NDRG2: variants seen among roughly 807,000 people sequenced by gnomAD.
NDRG2 encodes protein NDRG2.
In NDRG2, 34 loss-of-function variants were observed where a neutral mutation model predicts 58.2. The observed-to-expected ratio is 0.58, with a 90% CI of 0.44 to 0.78. The LOEUF (loss-of-function observed/expected upper bound fraction) is 0.78. Among genes scored for constraint, NDRG2 ranks in the 30% least tolerant of loss-of-function variants. NDRG2 has a pLI of 0.00. For synonymous variants in NDRG2, 187 were observed against 175.9 expected (o/e 1.06, Z -0.50); for missense variants, 434 against 471.2 (o/e 0.92, Z 0.73).
At chr14:21,035,940 A>C (rs1447316476) in intron 1 of NDRG2, 2 of 428,014 alleles carry the variant, frequency 4.7e-6, no homozygotes, top group African/African-American at 2.0e-5. Flanking sequence ...CTGCCTCTGC[A>C]GCTTACAAAC....
At chr14:21,022,978 A>G in intron 2 of NDRG2, 73 bp from the exon 3 acceptor site, 1 of 1,548,420 alleles carries the variant, frequency 6.5e-7, no homozygotes, top group Non-Finnish European at 8.9e-7. Context: ...ACAAACAGAC[A>G]AAGAGAGGCA....
At chr14:21,025,411 C>G (rs1883388487), upstream of NDRG2, 3 of 985,596 alleles carry the variant, frequency 3.0e-6, no homozygotes, top group African/African-American at 1.7e-5. The surrounding 1 kb of genome is among the most constrained non-coding windows in gnomAD (Gnocchi z 5.1). Context: ...TGCAATTGCA[C>G]TCTGGCTCCT....
chr14:21,025,700 G>C (rs899358490), upstream of NDRG2: 2 of 984,026 alleles, frequency 2.0e-6, no homozygotes, highest in Non-Finnish European at 2.4e-6. This position sits in a 1 kb window ranked among gnomAD's most constrained non-coding sequence, Gnocchi z 5.1. Flanking sequence ...GCTGCGTCCC[G>C]ACGCCTGCTC....
At chr14:21,042,159 T>G (rs921630550) in intron 1 of NDRG2, 3 of 152,254 alleles carry the variant, frequency 2.0e-5, no homozygotes, top group African/African-American at 7.2e-5. Context: ...AGTCTTCGAA[T>G]GTGACGATTC....
At chr14:21,032,221 G>T (rs1178529450) in intron 1 of NDRG2, 7 of 892,178 alleles carry the variant, frequency 7.8e-6, no homozygotes, top group Non-Finnish European at 1.1e-5. Context: ...TAGAGAGAGG[G>T]AGAAGAGGCA....
intron 2 of NDRG2, 55 bp downstream of exon 2, chr14:21,023,186 G>A (rs1881725091): frequency 1.4e-6 from 2 of 1,460,542 alleles, no homozygotes; most frequent in African/African-American, 1.4e-5. Context: ...AGAAGGCAAG[G>A]GGGATGCTTA....
rs139573521 is a variant in NDRG2, at chr14:21,019,926, G to A, written c.606C>T (p.Phe202=). Residue 202 remains phenylalanine (F), a synonymous_variant, in exon 9 of 16, where the codon TTC becomes TTT. Coordinates refer to ENST00000556147, the MANE Select transcript of NDRG2 (RefSeq NM_001320329.2). ...SIPEMILGHL[F]SQEELSGNSE... The stretch of plus-strand genomic sequence containing the variant: ...ATCTCCTACACCCACTTACCTGGCT[G>A]AAAAGATGTCCAAGGATCATCTCCG... 43 of 1,614,078 alleles carry A rather than the reference G, an allele frequency of 2.7e-5. 1 individual carries two copies. In the Admixed American group the frequency reaches 6.3e-4, roughly 24 times the overall value.
intron 10 of NDRG2, among the ~76,000 whole-genome samples, chr14:21,019,390 C>T (rs560672326): frequency 7.2e-5 from 11 of 152,296 alleles, no homozygotes; most frequent in African/African-American, 2.6e-4. Flanking sequence ...AGGAAGGACA[C>T]AGGACACAAG....
At chr14:21,058,491 T>A in intron 1 of NDRG2, 1 of 662,826 alleles carries the variant, frequency 1.5e-6, no homozygotes, top group Non-Finnish European at 2.5e-6. Flanking sequence ...TCACATACTC[T>A]TGGTTTCTTA....
At chr14:21,018,964 G>C in intron 11 of NDRG2, 150 bp from the exon 12 acceptor site, 1 of 1,261,730 alleles carries the variant, frequency 7.9e-7, no homozygotes, top group South Asian at 1.4e-5. Context: ...GATTCAAAGG[G>C]GGAAGACCTA....
chr14:21,019,611 C>A, intron 10 of NDRG2, 28 bp downstream of exon 10: 3 of 1,440,282 alleles, frequency 2.1e-6, no homozygotes, highest in Non-Finnish European at 2.9e-6. Flanking sequence ...GCATTTCTCT[C>A]ACATGCATAC....
Position 21,033,072 on chromosome 14 carries a change from G to A in NDRG2, c.25-9751C>T, listed in dbSNP as rs748784682. 7 of 445,558 alleles carry A rather than the reference G, an allele frequency of 1.6e-5. 1 individual carries two copies. Among genetic ancestry groups the A allele is most frequent in the South Asian group, 1.1e-4 (7 of 62,710 alleles). 27.6% of individuals were successfully genotyped at this position (445,558 alleles called of 1,614,324 possible). ...AAGAGAAGGGAAGCAGGAACCTCTG[G>A]GGAATGGGTGAGAGAAGATACCTTG... On this transcript the variant is annotated intron_variant, in intron 1 of 14. Transcript: ENST00000403829.
chr14:21,034,061 A>C lies in NDRG2; in HGVS notation c.25-10740T>G, dbSNP rs777486503. 24 of 1,614,214 alleles carry C rather than the reference A, an allele frequency of 1.5e-5. No individual in the cohort carries two copies. In the East Asian group the frequency reaches 4.7e-4, roughly 31 times the overall value. ...ACTTCTGGATGGCCTTCCAAGGGGC[A>C]TGTATCACATAATGGATCTTTGGGC... On this transcript the variant is annotated intron_variant, in intron 1 of 14. Transcript: ENST00000403829.
At position 21,053,400 on chromosome 14, in the gene NDRG2, G is replaced by A. The variant is rs58022468; in HGVS notation, c.24+17428C>T. ...CCCAGCACTTGGGGAGGCCGAGGCA[G>A]GTGGCTCATGAGGTCAGGAGTTCGA... is the stretch of plus-strand genomic sequence containing the variant. On this transcript the variant is annotated intron_variant, in intron 1 of 14. Transcript: ENST00000403829. Among the ~76,000 whole-genome samples the A allele has an allele frequency of 7.8e-3, 1,193 of 152,220 alleles. 14 individuals carry two copies. Among genetic ancestry groups the A allele is most frequent in the African/African-American group, 0.027 (1,119 of 41,516 alleles).
At chr14:21,037,632 G>T (rs1453503782) in intron 1 of NDRG2, among the ~76,000 whole-genome samples, 2 of 152,222 alleles carry the variant, frequency 1.3e-5, no homozygotes, top group African/African-American at 4.8e-5. Context: ...CACTGAGGTT[G>T]TGAAGCCCTG....
chr14:21,031,287 C>G, intron 1 of NDRG2: 1 of 1,300,786 alleles, frequency 7.7e-7, no homozygotes, highest in Non-Finnish European at 1.0e-6. Context: ...CTTTAGAGAT[C>G]ATCTAGACAT....
At chr14:21,025,423 C>T (rs1223607040), upstream of NDRG2, 2 of 985,584 alleles carry the variant, frequency 2.0e-6, no homozygotes, top group African/African-American at 3.5e-5. This position sits in a 1 kb window ranked among gnomAD's most constrained non-coding sequence, Gnocchi z 5.1. Context: ...CTGGCTCCTT[C>T]CTTCGCCCCC....
Position 21,022,884 on chromosome 14 carries a change from T to C in NDRG2, c.97A>G (p.Ile33Val). Reference sequence around the variant, plus strand: ...GTTACCTGTCCCTGGTCCAGGAGGATTCGGGCAGCTAACTCAGCCTCCTGG... The same window carrying C: ...GTTACCTGTCCCTGGTCCAGGAGGACTCGGGCAGCTAACTCAGCCTCCTGG... ...AAKEAELAAR[I>V]LLDQGQTHSV... The change falls in exon 3 of 16, where the codon ATC becomes GTC. Residue 33 changes from isoleucine (I) to valine (V), a missense_variant. Ile to Val is a conservative substitution (Grantham distance 29). Transcript: ENST00000556147. 1.9e-6 allele frequency: 3 copies of C among 1,613,948 alleles called. No homozygotes were observed. The highest frequency in any genetic ancestry group is 2.5e-6 in the Non-Finnish European group (3 of 1,179,928).
intron 1 of NDRG2, among the ~76,000 whole-genome samples, chr14:21,053,841 G>A (rs2139141041): frequency 6.6e-6 from 1 of 152,202 alleles, no homozygotes; most frequent in Middle Eastern, 3.4e-3. Flanking sequence ...ATCAGAGCAA[G>A]AGCTAAGATT....
Sources: allele counts gnomAD v4.1 joint callset (sites outside exome capture counted in the v4.1 genomes callset), GRCh38; gene constraint gnomAD v4.1.1; non-coding constraint Gnocchi (gnomAD v3.1); transcripts MANE v1.5; gene names NCBI Gene and HGNC (gene_info 2026-07-23, HGNC 2026-07-21).